USP3: variants seen among roughly 807,000 people sequenced by gnomAD.
USP3 encodes the protein ubiquitin specific peptidase 3, also known as ubiquitin carboxyl-terminal hydrolase 3.
Under a neutral mutation model 72.3 loss-of-function variants are expected in USP3, and 20 were observed. The ratio of observed to expected loss-of-function variants is 0.28; its 90% CI spans 0.19 to 0.40. USP3 has a LOEUF of 0.40. Among genes scored for constraint, USP3 ranks in the 10% least tolerant of loss-of-function variants. USP3 has a pLI of 1.00. For missense variants in USP3, 479 were observed against 633.9 expected (o/e 0.76, Z 2.62); for synonymous variants, 222 against 225.3 (o/e 0.99, Z 0.13).
chr15:63,533,023 T>A (rs77064122), intron 2 of USP3, among the ~76,000 whole-genome samples: 19,403 of 152,210 alleles, frequency 0.13, 1,694 homozygotes, highest in South Asian at 0.2. Flanking sequence ...GGTTGTTTTT[T>A]AAACCTTTTA....
intron 11 of USP3, among the ~76,000 whole-genome samples, chr15:63,587,532 A>T (rs2067096458): frequency 6.6e-6 from 1 of 152,240 alleles, no homozygotes; most frequent in Non-Finnish European, 1.5e-5. Flanking sequence ...AACATTGATG[A>T]GAAAAAAGTG....
At chr15:63,526,235 G>A (rs900967479) in intron 1 of USP3, among the ~76,000 whole-genome samples, 5 of 152,070 alleles carry the variant, frequency 3.3e-5, no homozygotes, top group African/African-American at 1.2e-4. Context: ...GAAACACATA[G>A]CATGTTATCT....
In USP3 at chr15:63,570,365, C is replaced by T. The variant is rs1174376903; in HGVS notation, c.762-68C>T. ...GCCGTCCTTTTCCACGCCTTGGCCT[C>T]TTGCTGGTGTGGCTGGGCACAAAGA... On this transcript the variant is annotated intron_variant, in intron 8 of 14. Transcript: ENST00000380324. This position sits in a 1 kb window ranked among gnomAD's most constrained non-coding sequence, Gnocchi z 4.4. The T allele has an allele frequency of 2.6e-5, 41 of 1,605,762 alleles. No homozygotes were observed. The highest frequency in any genetic ancestry group is 6.8e-5 in the Admixed American group (4 of 59,254).
chr15:63,553,508 AG>A lies in USP3; in HGVS notation c.285-206del, dbSNP rs1178464571. 1.8e-5 allele frequency: 7 copies of A among 394,936 alleles called. No individual in the cohort carries two copies. The highest frequency in any genetic ancestry group is 1.5e-4 in the African/African-American group (7 of 48,166). The allele number at this position is 394,936 out of a possible 1,614,324, so 24.5% of individuals were successfully genotyped here. On this transcript the variant is annotated intron_variant, in intron 3 of 14. Coordinates refer to ENST00000380324, the MANE Select transcript of USP3 (RefSeq NM_006537.4). This position sits in a 1 kb window ranked among gnomAD's most constrained non-coding sequence, Gnocchi z 4.2. ...CTTTTGAGTAAAAAACGTGAAAAGAAGCTCATGTTCATTGCCTACGTGGCTT... is the reference window on the plus strand; with the variant it reads ...CTTTTGAGTAAAAAACGTGAAAAGAACTCATGTTCATTGCCTACGTGGCTT...
chr15:63,563,406 A>C (rs1367931381), intron 8 of USP3, among the ~76,000 whole-genome samples: 1 of 152,226 alleles, frequency 6.6e-6, no homozygotes, highest in Non-Finnish European at 1.5e-5. Context: ...GTATTATATG[A>C]ACTGTTCGGA....
At chr15:63,536,830 G>T (rs1490638392) in intron 2 of USP3, among the ~76,000 whole-genome samples, 195 bp from the exon 3 acceptor site, 1 of 151,730 alleles carries the variant, frequency 6.6e-6, no homozygotes. Flanking sequence ...CTCCAGCCTG[G>T]GCAACAGAGC....
intron 1 of USP3, among the ~76,000 whole-genome samples, chr15:63,530,951 G>A (rs992170490): frequency 6.6e-6 from 1 of 152,122 alleles, no homozygotes; most frequent in African/African-American, 2.4e-5. Flanking sequence ...TGTGGTTTAC[G>A]TGCACATGTA....
rs545012255 is a variant in USP3 at position 63,505,887 on chromosome 15, AT to A, written c.91+1060del. 1.1e-3 allele frequency among the ~76,000 whole-genome samples: 173 copies of A among 152,326 alleles called. 1 individual carries two copies. The highest frequency in any genetic ancestry group is 4.1e-3 in the African/African-American group (170 of 41,570). ...AATATAGAAAAACGGCAATGGTATGATTTAGCTGTGACATGTCTCATTGTGG... is the reference window on the plus strand; with the variant it reads ...AATATAGAAAAACGGCAATGGTATGATTAGCTGTGACATGTCTCATTGTGG... On this transcript the variant is annotated intron_variant, in intron 1 of 14. Coordinates refer to ENST00000380324, the MANE Select transcript of USP3 (RefSeq NM_006537.4).
chr15:63,574,404 G>A lies in USP3; in HGVS notation c.1096+1G>A. 1 of 1,597,824 alleles carries A rather than the reference G, an allele frequency of 6.3e-7. No individual in the cohort carries two copies. Among genetic ancestry groups the A allele is most frequent in the Non-Finnish European group, 8.5e-7 (1 of 1,174,312 alleles). Reference sequence around the variant, plus strand: ...AATGGACCAGTTTGTTCGTTACGAGGTAAAGATACTTGAATGTTCTAAAAA... The same window carrying A: ...AATGGACCAGTTTGTTCGTTACGAGATAAAGATACTTGAATGTTCTAAAAA... On this transcript the variant is annotated splice_donor_variant, in intron 11 of 14. Coordinates refer to ENST00000380324, the MANE Select transcript of USP3 (RefSeq NM_006537.4). LOFTEE classifies it high-confidence loss of function. The surrounding 1 kb of genome is among the most constrained non-coding windows in gnomAD (Gnocchi z 4.6).
At chr15:63,527,691 C>T (rs1198863379) in intron 1 of USP3, 1 of 152,180 alleles carries the variant, frequency 6.6e-6, no homozygotes, top group African/African-American at 2.4e-5. Context: ...GTGAACACAA[C>T]CTGAAAAGAT....
chr15:63,588,154 T>G lies in USP3; in HGVS notation c.1097-151T>G, dbSNP rs1397412908. 1.8e-6 allele frequency: 1 copy of G among 553,412 alleles called. No individual in the cohort carries two copies. Among genetic ancestry groups the G allele is most frequent in the East Asian group, 3.0e-5 (1 of 33,290 alleles). 34.3% of individuals were successfully genotyped at this position (553,412 alleles called of 1,614,324 possible). On this transcript the variant is annotated intron_variant, in intron 11 of 14. Coordinates refer to ENST00000380324, the MANE Select transcript of USP3 (RefSeq NM_006537.4). This position sits in a 1 kb window ranked among gnomAD's most constrained non-coding sequence, Gnocchi z 4.6. ...ATAGTTCTTCAAAGTAGGTATTATT[T>G]TTTGTCTCCAGTTTGCAATTGAGAA...
chr15:63,547,802 CAT>C (rs2066363905), intron 3 of USP3, among the ~76,000 whole-genome samples: 2 of 15,528 alleles, frequency 1.3e-4, no homozygotes, highest in South Asian at 2.2e-3. Flanking sequence ...GAGAGAGAGG[CAT>C]AGAGAGAGGC....
rs565082704 is a variant in USP3 at position 63,555,656 on chromosome 15, A to G, written c.369-1011A>G. Among the ~76,000 whole-genome samples the G allele has an allele frequency of 1.1e-3, 171 of 152,310 alleles. 1 individual carries two copies. The highest frequency in any genetic ancestry group is 4.0e-3 in the African/African-American group (168 of 41,566). ...TCTTAGGCATTGTCATAAAGAGCAT[A>G]TATACTATGCTTGTGGTTTACCTTC... On this transcript the variant is annotated intron_variant, in intron 4 of 14. Coordinates refer to ENST00000380324, the MANE Select transcript of USP3 (RefSeq NM_006537.4).
rs1229519556 is a variant in USP3, at chr15:63,553,363, G to A, written c.285-352G>A. On this transcript the variant is annotated intron_variant, in intron 3 of 14. Transcript: ENST00000380324. This position sits in a 1 kb window ranked among gnomAD's most constrained non-coding sequence, Gnocchi z 4.2. ...GGGAAGTGTCAACTTAAAGCTTTAG[G>A]CTTAATGCTACATGAAAAGACTCGG... The A allele has an allele frequency of 6.2e-6, 1 of 160,812 alleles. No homozygotes were observed. Among genetic ancestry groups the A allele is most frequent in the Admixed American group, 6.4e-5 (1 of 15,534 alleles). 10.0% of individuals were successfully genotyped at this position (160,812 alleles called of 1,614,324 possible).
In USP3 at chr15:63,529,184, T is replaced by C; in HGVS notation, c.92-3463T>C. 1 of 574,452 alleles carries C rather than the reference T, an allele frequency of 1.7e-6. No individual in the cohort carries two copies. The highest frequency in any genetic ancestry group is 2.9e-6 in the Non-Finnish European group (1 of 348,082). The allele number at this position is 574,452 out of a possible 1,614,324, so 35.6% of individuals were successfully genotyped here. On this transcript the variant is annotated intron_variant, in intron 1 of 14. Coordinates refer to ENST00000380324, the MANE Select transcript of USP3 (RefSeq NM_006537.4). This position sits in a 1 kb window ranked among gnomAD's most constrained non-coding sequence, Gnocchi z 4.2. ...CTTGGCAGGTAGTAAAGTGGTTTTTTTTTTTTTCTTTTTTTTGAGATATAT... is the reference window on the plus strand; with the variant it reads ...CTTGGCAGGTAGTAAAGTGGTTTTTCTTTTTTTCTTTTTTTTGAGATATAT...
intron 1 of USP3, among the ~76,000 whole-genome samples, chr15:63,509,730 C>G (rs2065758170): frequency 6.6e-6 from 1 of 152,154 alleles, no homozygotes; most frequent in Non-Finnish European, 1.5e-5. Flanking sequence ...CCCCCAGAAT[C>G]TTAGAGCAAT....
rs74018123 is a variant in USP3 at position 63,570,402 on chromosome 15, G to C, written c.762-31G>C. ...GCTGGGCACAAAGAGCCCTCCACCCGGCCTTATAAGTGACTGTTTGTTTGC... is the reference window on the plus strand; with the variant it reads ...GCTGGGCACAAAGAGCCCTCCACCCCGCCTTATAAGTGACTGTTTGTTTGC... On this transcript the variant is annotated intron_variant, in intron 8 of 14. Coordinates refer to ENST00000380324, the MANE Select transcript of USP3 (RefSeq NM_006537.4). This position sits in a 1 kb window ranked among gnomAD's most constrained non-coding sequence, Gnocchi z 4.4. 3.0e-3 allele frequency: 4,856 copies of C among 1,612,690 alleles called. 133 individuals are homozygous for C. In the African/African-American group the frequency reaches 0.055, roughly 18 times the overall value.
At chr15:63,547,995 C>T (rs2066376713) in intron 3 of USP3, among the ~76,000 whole-genome samples, 1 of 150,832 alleles carries the variant, frequency 6.6e-6, no homozygotes, top group African/African-American at 2.4e-5. Flanking sequence ...CCTGCAGTCC[C>T]AACTACTTGG....
In USP3 at chr15:63,588,932, C is replaced by T. The variant is rs767421657; in HGVS notation, c.1330-12C>T. On this transcript the variant is annotated splice_polypyrimidine_tract_variant and intron_variant, in intron 13 of 14. Coordinates refer to ENST00000380324, the MANE Select transcript of USP3 (RefSeq NM_006537.4). The surrounding 1 kb of genome is among the most constrained non-coding windows in gnomAD (Gnocchi z 4.6). ...TGTCATTGACCACTGCTCCTTCTTC[C>T]TTGTTCTGTAGCCTGAGAACAGTGG... 5 of 1,614,078 alleles carry T rather than the reference C, an allele frequency of 3.1e-6. No individual in the cohort carries two copies. The East Asian group carries it at 8.9e-5, about 29-fold the overall frequency.
Sources: gnomAD v4.1 joint callset for allele counts (sites outside exome capture counted in the v4.1 genomes callset) on GRCh38, gnomAD v4.1.1 for gene constraint, Gnocchi (gnomAD v3.1) non-coding constraint, MANE v1.5 for transcripts, NCBI Gene and HGNC (gene_info 2026-07-23, HGNC 2026-07-21) for gene names.